Variants in LRCH2 observed in about 807,000 individuals in gnomAD.
The protein encoded by LRCH2 is leucine-rich repeat and calponin homology domain-containing protein 2.
A neutral mutation model predicts 68.9 loss-of-function variants in LRCH2; 38 were observed. That is an observed-to-expected ratio of 0.55 (90% CI 0.43 to 0.72). The LOEUF (loss-of-function observed/expected upper bound fraction) is 0.72, where lower values mean the gene tolerates loss of function less well. LRCH2 is among the 30% of genes least tolerant of loss of function. The pLI, the probability that LRCH2 is intolerant of heterozygous loss-of-function variation, is 0.00. For missense variants in LRCH2, 528 were observed against 572.9 expected (o/e 0.92, Z 0.80); for synonymous variants, 191 against 208.1 (o/e 0.92, Z 0.71).
intron 5 of LRCH2, among the ~76,000 whole-genome samples, chrX:115,176,769 CAG>C (rs1175352503): frequency 5.0e-5 from 5 of 99,440 alleles, no homozygotes; most frequent in African/African-American, 1.1e-4. Context: ...TTTTTTGAGA[CAG>C]AGTCTCACTC....
Position 115,122,476 on chromosome X carries a change from T to C in LRCH2, c.2178+51A>G, listed in dbSNP as rs1439333924. 4.8e-5 allele frequency: 49 copies of C among 1,016,803 alleles called. No homozygotes were observed. In the South Asian group the frequency reaches 8.4e-4, roughly 17 times the overall value. The allele number at this position is 1,016,803 out of a possible 1,213,427, so 83.8% of individuals were successfully genotyped here. ...GCTCTAAGAAGAACCCCAGTTTGCATGTAATAAATTCAAATTTAAGTGATC... is the reference window on the plus strand; with the variant it reads ...GCTCTAAGAAGAACCCCAGTTTGCACGTAATAAATTCAAATTTAAGTGATC... On this transcript the variant is annotated intron_variant, in intron 20 of 20. Coordinates refer to ENST00000317135, the MANE Select transcript of LRCH2 (RefSeq NM_020871.4).
intron 5 of LRCH2, among the ~76,000 whole-genome samples, chrX:115,174,781 G>A (rs1556549496): frequency 9.0e-6 from 1 of 111,114 alleles, no homozygotes; most frequent in East Asian, 2.8e-4. Context: ...TGTATACTTG[G>A]TTTTGCTCCC....
chrX:115,153,280 C>T (rs1014087227), intron 12 of LRCH2, among the ~76,000 whole-genome samples: 2 of 107,922 alleles, frequency 1.9e-5, no homozygotes, highest in East Asian at 2.9e-4. Flanking sequence ...GCTGTGATGG[C>T]GCCACTGCAC....
chrX:115,192,769 TA>T (rs1187257665), intron 1 of LRCH2: 3 of 682,711 alleles, frequency 4.4e-6, no homozygotes, highest in Non-Finnish European at 6.5e-6. Flanking sequence ...AATTTCCTGT[TA>T]AGATCTCCAT....
chrX:115,119,312 T>TTG (rs1166032591), intron 20 of LRCH2, among the ~76,000 whole-genome samples: 201 of 106,861 alleles, frequency 1.9e-3, no homozygotes, highest in Non-Finnish European at 3.1e-3. Context: ...ATAAGCAACT[T>TTG]CAGCAAAGTC....
At chrX:115,198,391 A>G (rs2072906725) in intron 1 of LRCH2, 1 of 111,906 alleles carries the variant, frequency 8.9e-6, no homozygotes, top group Non-Finnish European at 1.9e-5. Flanking sequence ...AAAATCAGCA[A>G]GACAGCATTC....
intron 1 of LRCH2, among the ~76,000 whole-genome samples, chrX:115,221,210 A>AATATATAT (rs1204700596): frequency 1.2e-4 from 5 of 42,730 alleles, no homozygotes; most frequent in African/African-American, 6.2e-4. Flanking sequence ...AAAAAAAAAA[A>AATATATAT]ATATATATAT....
intron 1 of LRCH2, among the ~76,000 whole-genome samples, chrX:115,196,702 G>C (rs1281616551): frequency 3.6e-5 from 4 of 111,154 alleles, no homozygotes; most frequent in Non-Finnish European, 7.5e-5. Flanking sequence ...CAACACAAGA[G>C]CACAGTGCAT....
At chrX:115,158,367 A>G (rs1324914039) in intron 11 of LRCH2, among the ~76,000 whole-genome samples, 1 of 111,932 alleles carries the variant, frequency 8.9e-6, no homozygotes, top group Non-Finnish European at 1.9e-5. Context: ...AGCAGAAACA[A>G]AAGAATACAT....
chrX:115,141,225 CAAAA>C (rs1157147536), intron 14 of LRCH2, among the ~76,000 whole-genome samples: 1 of 86,398 alleles, frequency 1.2e-5, no homozygotes, highest in Admixed American at 1.3e-4. Flanking sequence ...GACTCTGTCT[CAAAA>C]AAAAAAAAAG....
At chrX:115,132,634 C>T (rs1556530638) in intron 14 of LRCH2, among the ~76,000 whole-genome samples, 1 of 111,887 alleles carries the variant, frequency 8.9e-6, no homozygotes, top group African/African-American at 3.2e-5. Flanking sequence ...TCTCCTATGG[C>T]AACTATCACT....
chrX:115,215,769 CAAAAA>C (rs57563158), intron 1 of LRCH2, among the ~76,000 whole-genome samples: 6 of 45,203 alleles, frequency 1.3e-4, no homozygotes, highest in Non-Finnish European at 1.6e-4. Context: ...GACTCCATCT[CAAAAA>C]AAAAAAAAAA....
At chrX:115,148,788 G>A (rs1556537374) in intron 14 of LRCH2, among the ~76,000 whole-genome samples, 1 of 111,146 alleles carries the variant, frequency 9.0e-6, no homozygotes, top group Non-Finnish European at 1.9e-5. Context: ...TATTGACCAG[G>A]AAATGTAAGA....
chrX:115,207,423 G>C (rs921712988), intron 1 of LRCH2, among the ~76,000 whole-genome samples: 1 of 111,326 alleles, frequency 9.0e-6, no homozygotes, highest in Non-Finnish European at 1.9e-5. Context: ...TGTAGTTCCA[G>C]CTACTCGGGA....
At chrX:115,190,110 G>A in intron 1 of LRCH2, 1 of 1,156,393 alleles carries the variant, frequency 8.6e-7, no homozygotes, top group Non-Finnish European at 1.2e-6. Flanking sequence ...GAATGCCTGG[G>A]AAGGCCCCGG....
At chrX:115,184,575 A>C (rs782239246) in intron 2 of LRCH2, 38 bp from the exon 3 acceptor site, 1 of 1,058,818 alleles carries the variant, frequency 9.4e-7, no homozygotes, top group Non-Finnish European at 1.2e-6. Context: ...GAGAATATGT[A>C]TGTAATGTGA....
At chrX:115,162,054 G>C (rs1476875946) in intron 11 of LRCH2, among the ~76,000 whole-genome samples, 3 of 106,193 alleles carry the variant, frequency 2.8e-5, no homozygotes, top group African/African-American at 1.0e-4. Flanking sequence ...CAAGTGGCTA[G>C]GACCACAGGT....
At chrX:115,128,409 C>A (rs1428127134) in intron 15 of LRCH2, among the ~76,000 whole-genome samples, 6 of 111,453 alleles carry the variant, frequency 5.4e-5, no homozygotes, top group Non-Finnish European at 9.4e-5. Flanking sequence ...TACATACATA[C>A]CTATGATAAA....
intron 1 of LRCH2, chrX:115,192,315 C>G (rs868955350): frequency 8.6e-7 from 1 of 1,159,841 alleles, no homozygotes; most frequent in East Asian, 3.3e-5. Context: ...CCTCGCCTGA[C>G]GCCCACAGTG....
Sources: gnomAD v4.1 joint callset for allele counts (sites outside exome capture counted in the v4.1 genomes callset) on GRCh38, gnomAD v4.1.1 for gene constraint, MANE v1.5 for transcripts, NCBI Gene and HGNC (gene_info 2026-07-23, HGNC 2026-07-21) for gene names.